FOLR1: variants seen among roughly 807,000 people sequenced by gnomAD.
The protein encoded by FOLR1 is KB cells FBP.
Under a neutral mutation model 22.8 loss-of-function variants are expected in FOLR1, and 11 were observed. The observed-to-expected ratio is 0.48, with a 90% CI of 0.30 to 0.80. The LOEUF (loss-of-function observed/expected upper bound fraction) is 0.80. FOLR1 is among the 30% of genes least tolerant of loss of function. The pLI is 0.06. For synonymous variants in FOLR1, 108 were observed against 116.5 expected, an observed-to-expected ratio of 0.93 and a Z score of 0.47; for missense variants, 273 against 320.3, an observed-to-expected ratio of 0.85 and a Z score of 1.13.
At chr11:72,193,511 A>C (rs952780750) in intron 1 of FOLR1, among the ~76,000 whole-genome samples, 32 of 151,834 alleles carry the variant, frequency 2.1e-4, no homozygotes, top group African/African-American at 7.5e-4. Context: ...CAGTGGCACA[A>C]TCTCAGCTCA....
At chr11:72,194,363 G>A (rs1056251903) in intron 1 of FOLR1, among the ~76,000 whole-genome samples, 1 of 152,110 alleles carries the variant, frequency 6.6e-6, no homozygotes, top group African/African-American at 2.4e-5. Context: ...CCAAGTAGCT[G>A]GGATTACAGG....
rs1555068662 is a variant in FOLR1, at chr11:72,192,312, C to G, written c.139C>G (p.Pro47Ala). 1 of 1,613,994 alleles carries G rather than the reference C, an allele frequency of 6.2e-7. No homozygotes were observed. The highest frequency in any genetic ancestry group is 1.3e-5 in the African/African-American group (1 of 74,912). Residue 47 changes from proline (P) to alanine (A), a missense_variant, in exon 1 of 4, where the codon CCA becomes GCA. Coordinates refer to ENST00000393676, the MANE Select transcript of FOLR1 (RefSeq NM_016729.3). The part of the protein sequence containing the change: ...CMNAKHHKEK[P>A]GPEDKLHEQC... ...GAACGCCAAGCACCACAAGGAAAAG[C>G]CAGGCCCCGAGGACAAGTTGCATGA...
At position 72,196,118 on chromosome 11, in the gene FOLR1, T is replaced by C. The variant is rs1225961772; in HGVS notation, c.715T>C (p.Trp239Arg). The C allele has an allele frequency of 1.2e-6, 2 of 1,614,226 alleles. No individual in the cohort carries two copies. The highest frequency in any genetic ancestry group is 1.7e-6 in the Non-Finnish European group (2 of 1,180,042). Reference protein sequence around the residue: ...YAAAMSGAGPWAAWPFLLSLA... With the variant: ...YAAAMSGAGPRAAWPFLLSLA... Reference sequence around the variant, plus strand: ...TGCAGCCATGAGTGGGGCTGGGCCCTGGGCAGCCTGGCCTTTCCTGCTTAG... The same window carrying C: ...TGCAGCCATGAGTGGGGCTGGGCCCCGGGCAGCCTGGCCTTTCCTGCTTAG... The change falls in exon 4 of 4, where the codon TGG (tryptophan) becomes CGG (arginine). Residue 239 changes from tryptophan to arginine, a missense_variant. Coordinates refer to ENST00000393676, the MANE Select transcript of FOLR1 (RefSeq NM_016729.3).
At chr11:72,193,359 G>A (rs935501610) in intron 1 of FOLR1, among the ~76,000 whole-genome samples, 9 of 150,336 alleles carry the variant, frequency 6.0e-5, no homozygotes, top group Non-Finnish European at 8.9e-5. Flanking sequence ...AGAAAGAAAG[G>A]AAGGAAGGAA....
Position 72,196,202 on chromosome 11 carries a change from GAAATCCCT to G in FOLR1, c.*26_*33del. The G allele has an allele frequency of 6.2e-6, 10 of 1,613,824 alleles. No homozygotes were observed. The highest frequency in any genetic ancestry group is 6.8e-6 in the Non-Finnish European group (8 of 1,179,772). On this transcript the variant is annotated 3_prime_UTR_variant, in exon 4 of 4. Coordinates refer to ENST00000393676, the MANE Select transcript of FOLR1 (RefSeq NM_016729.3). ...ACCTCCTTTTACCTTCTGATACCTG[GAAATCCCT>G]GCCCTGTTCAGCCCCACAGCTCCCA...
chr11:72,192,045 G>A (rs1003530084), upstream of FOLR1: 6 of 977,514 alleles, frequency 6.1e-6, no homozygotes, highest in Non-Finnish European at 9.7e-6. Flanking sequence ...TGAGGGAGAT[G>A]GGGGCAGGGC....
chr11:72,192,423 A>C (rs1027089784), intron 1 of FOLR1, 82 bp downstream of exon 1: 4 of 1,468,280 alleles, frequency 2.7e-6, no homozygotes, highest in Non-Finnish European at 3.8e-6. Flanking sequence ...AACCCCATTC[A>C]CTGGTGAACT....
intron 3 of FOLR1, 72 bp from the exon 4 acceptor site, chr11:72,195,825 G>A: frequency 6.2e-7 from 1 of 1,614,036 alleles, no homozygotes. Context: ...GTGACAATTT[G>A]GAGTTGTAGG....
chr11:72,192,445 G>C, intron 1 of FOLR1, 104 bp downstream of exon 1: 2 of 1,266,566 alleles, frequency 1.6e-6, no homozygotes, highest in Non-Finnish European at 2.3e-6. Context: ...AAGTGGAGGA[G>C]CCCTTCAGTT....
upstream of FOLR1, chr11:72,189,819 T>A (rs574010404): frequency 1.3e-5 from 2 of 152,326 alleles, no homozygotes; most frequent in South Asian, 4.1e-4. Context: ...TCCCACCATG[T>A]GTTAAGGATT....
At chr11:72,194,839 G>T (rs976551830) in intron 1 of FOLR1, among the ~76,000 whole-genome samples, 3 of 152,182 alleles carry the variant, frequency 2.0e-5, no homozygotes, top group Non-Finnish European at 4.4e-5. Flanking sequence ...CCAGCCTGGG[G>T]TTACAATTTA....
At chr11:72,193,294 C>T (rs972755623) in intron 1 of FOLR1, among the ~76,000 whole-genome samples, 2 of 150,462 alleles carry the variant, frequency 1.3e-5, no homozygotes, top group African/African-American at 4.9e-5. Flanking sequence ...TGCCACTGCA[C>T]TCCAGCCTGG....
intron 1 of FOLR1, among the ~76,000 whole-genome samples, chr11:72,193,644 A>G (rs1157670479): frequency 6.6e-6 from 1 of 151,922 alleles, no homozygotes; most frequent in Non-Finnish European, 1.5e-5. Flanking sequence ...TATTTTTAGT[A>G]GAGATGGGGG....
At chr11:72,195,840 G>A (rs1948223612) in intron 3 of FOLR1, 57 bp from the exon 4 acceptor site, 2 of 1,613,882 alleles carry the variant, frequency 1.2e-6, no homozygotes, top group Admixed American at 3.3e-5. Flanking sequence ...TGTAGGGCTG[G>A]CAGACCTCAA....
Position 72,196,106 on chromosome 11 carries a change from G to A in FOLR1, c.703G>A (p.Gly235Arg). ...GAGGTTCTATGCTGCAGCCATGAGTGGGGCTGGGCCCTGGGCAGCCTGGCC... is the reference window on the plus strand; with the variant it reads ...GAGGTTCTATGCTGCAGCCATGAGTAGGGCTGGGCCCTGGGCAGCCTGGCC... ...VARFYAAAMS[G>R]AGPWAAWPFL... is the part of the protein sequence containing the mutation. The change falls in exon 4 of 4, where the codon GGG (glycine) becomes AGG (arginine). Residue 235 changes from glycine to arginine, a missense_variant. Physicochemically the swap from Gly to Arg is moderately radical, Grantham distance 125 (BLOSUM62 -2). Coordinates refer to ENST00000393676, the MANE Select transcript of FOLR1 (RefSeq NM_016729.3). The A allele has an allele frequency of 1.2e-6, 2 of 1,614,178 alleles. No individual in the cohort carries two copies. Among genetic ancestry groups the A allele is most frequent in the Non-Finnish European group, 1.7e-6 (2 of 1,180,032 alleles).
Position 72,192,290 on chromosome 11 carries a change from C to T in FOLR1, c.117C>T (p.Asn39=), listed in dbSNP as rs376392205. ...ARTELLNVCM[N]AKHHKEKPGP... is the part of the protein sequence containing the mutation. ...CTGAGCTTCTCAATGTCTGCATGAA[C>T]GCCAAGCACCACAAGGAAAAGCCAG... Residue 39 remains asparagine (N), a synonymous_variant, in exon 1 of 4, where the codon AAC becomes AAT. Coordinates refer to ENST00000393676, the MANE Select transcript of FOLR1 (RefSeq NM_016729.3). The T allele has an allele frequency of 5.3e-5, 86 of 1,614,054 alleles. No homozygotes were observed. The African/African-American group carries it at 8.7e-4, about 16-fold the overall frequency.
chr11:72,194,074 C>T (rs770979915), intron 1 of FOLR1, among the ~76,000 whole-genome samples: 7 of 152,112 alleles, frequency 4.6e-5, no homozygotes, highest in Non-Finnish European at 1.0e-4. Flanking sequence ...CTATGTGAGC[C>T]ACTGTGCCGG....
chr11:72,195,692 T>C lies in FOLR1; in HGVS notation c.438T>C (p.Cys146=). 1 of 1,614,130 alleles carries C rather than the reference T, an allele frequency of 6.2e-7. No homozygotes were observed. The highest frequency in any genetic ancestry group is 8.5e-7 in the Non-Finnish European group (1 of 1,180,016). The change falls in exon 3 of 4, where the codon TGT becomes TGC. Residue 146 remains cysteine (C), a synonymous_variant. Transcript: ENST00000393676. ...ACTGTGAGCAATGGTGGGAAGATTG[T>C]CGCACCTCCTACACCTGCAAGAGCA... The part of the protein sequence containing the change: ...KEDCEQWWED[C]RTSYTCKSNW...
In FOLR1 at chr11:72,192,253, C is replaced by G. The variant is rs762158226; in HGVS notation, c.80C>G (p.Ala27Gly). 4.3e-6 allele frequency: 7 copies of G among 1,614,062 alleles called. No homozygotes were observed. Among genetic ancestry groups the G allele is most frequent in the Non-Finnish European group, 5.1e-6 (6 of 1,180,030 alleles). Residue 27 changes from alanine to glycine, a missense_variant, in exon 1 of 4, where the codon GCA (alanine) becomes GGA (glycine). Coordinates refer to ENST00000393676, the MANE Select transcript of FOLR1 (RefSeq NM_016729.3). Reference protein sequence around the residue: ...AVVGEAQTRIAWARTELLNVC... With the variant: ...AVVGEAQTRIGWARTELLNVC... ...GTAGGGGAGGCTCAGACAAGGATTG[C>G]ATGGGCCAGGACTGAGCTTCTCAAT...
Sources: allele counts gnomAD v4.1 joint callset (sites outside exome capture counted in the v4.1 genomes callset), GRCh38; gene constraint gnomAD v4.1.1; transcripts MANE v1.5; gene names NCBI Gene and HGNC (gene_info 2026-07-23, HGNC 2026-07-21).